Variants in MAST4 observed in about 807,000 individuals in gnomAD.
MAST4 encodes microtubule associated serine/threonine kinase family member 4.
Under a neutral mutation model 162.7 loss-of-function variants are expected in MAST4, and 89 were observed. The observed-to-expected ratio is 0.55, with a 90% confidence interval of 0.46 to 0.65. The LOEUF is 0.65. Among genes scored for constraint, MAST4 ranks in the 30% least tolerant of loss-of-function variants. The pLI, the probability that MAST4 is intolerant of heterozygous loss-of-function variation, is 0.00. For missense variants in MAST4, 3,153 were observed against 3,374.0 expected, an observed-to-expected ratio of 0.93 and a Z score of 1.62; for synonymous variants, 1,479 against 1,361.1, an observed-to-expected ratio of 1.09 and a Z score of -1.91.
intron 10 of MAST4, among the ~76,000 whole-genome samples, chr5:67,106,448 T>C (rs1323812943): frequency 6.6e-6 from 1 of 152,186 alleles, no homozygotes; most frequent in African/African-American, 2.4e-5. Context: ...CTGCTAGAAC[T>C]CTGAGAATAC....
chr5:66,828,443 T>G (rs769327874), intron 3 of MAST4, among the ~76,000 whole-genome samples: 5 of 152,210 alleles, frequency 3.3e-5, no homozygotes, highest in Non-Finnish European at 7.3e-5. Context: ...GCTGATTTAC[T>G]TAGCCACTGT....
At chr5:66,649,180 T>C (rs904445970) in intron 1 of MAST4, among the ~76,000 whole-genome samples, 1 of 152,186 alleles carries the variant, frequency 6.6e-6, no homozygotes, top group Non-Finnish European at 1.5e-5. Context: ...TGTCTTGCCA[T>C]TTGTAGAGAG....
At chr5:66,960,745 T>C (rs1033994146) in intron 4 of MAST4, among the ~76,000 whole-genome samples, 1 of 152,234 alleles carries the variant, frequency 6.6e-6, no homozygotes, top group Admixed American at 6.5e-5. Flanking sequence ...TTACTTTTTT[T>C]CTTTCTTTTC....
chr5:67,111,947 C>T (rs2150909330), intron 11 of MAST4, among the ~76,000 whole-genome samples: 1 of 152,210 alleles, frequency 6.6e-6, no homozygotes, highest in African/African-American at 2.4e-5. Context: ...TCACCTTATC[C>T]TTACAGTACC....
chr5:66,704,776 A>G (rs1750021674), intron 1 of MAST4, among the ~76,000 whole-genome samples: 1 of 152,120 alleles, frequency 6.6e-6, no homozygotes, highest in Non-Finnish European at 1.5e-5. Context: ...CTGGGATTAC[A>G]GGCGTGTCTT....
intron 5 of MAST4, among the ~76,000 whole-genome samples, chr5:67,089,852 C>A (rs535868770): frequency 3.3e-5 from 5 of 152,270 alleles, no homozygotes; most frequent in African/African-American, 1.2e-4. Flanking sequence ...TGTATATATT[C>A]ATTACTCTAT....
chr5:66,806,050 G>A (rs1756169115), intron 3 of MAST4, among the ~76,000 whole-genome samples: 1 of 152,188 alleles, frequency 6.6e-6, no homozygotes. Context: ...GCCAACTAAA[G>A]GAGAAGCGAA....
At chr5:66,612,792 A>T (rs1743379661) in intron 1 of MAST4, among the ~76,000 whole-genome samples, 1 of 152,208 alleles carries the variant, frequency 6.6e-6, no homozygotes, top group Non-Finnish European at 1.5e-5. Context: ...GTCGTATCAG[A>T]TTTAAATTAT....
intron 17 of MAST4, among the ~76,000 whole-genome samples, chr5:67,133,870 G>A (rs1244045896): frequency 3.3e-5 from 5 of 152,122 alleles, no homozygotes; most frequent in Admixed American, 3.3e-4. Flanking sequence ...TGGTCTATTA[G>A]CAAGACGAAT....
In MAST4 at chr5:66,748,765, G is replaced by A. The variant is rs538567148; in HGVS notation, c.364-10944G>A. Reference sequence around the variant, plus strand: ...GGCCTCCCAAAGTGCTGGGATTACAGGTGTAAGCCACCATGCCTGGCTGGG... The same window carrying A: ...GGCCTCCCAAAGTGCTGGGATTACAAGTGTAAGCCACCATGCCTGGCTGGG... On this transcript the variant is annotated intron_variant, in intron 1 of 28. Coordinates refer to ENST00000403625, the MANE Select transcript of MAST4 (RefSeq NM_001164664.2). Among the ~76,000 whole-genome samples, 9 of 152,040 alleles carry A rather than the reference G, an allele frequency of 5.9e-5. No individual in the cohort carries two copies. The South Asian group carries it at 1.9e-3, about 32-fold the overall frequency.
intron 4 of MAST4, among the ~76,000 whole-genome samples, chr5:67,051,315 A>T (rs1431235025): frequency 6.6e-6 from 1 of 152,066 alleles, no homozygotes; most frequent in Admixed American, 6.6e-5. Context: ...GTGGCCATGA[A>T]CACCTGGAGA....
At chr5:66,707,457 G>T (rs534455642) in intron 1 of MAST4, among the ~76,000 whole-genome samples, 1 of 152,240 alleles carries the variant, frequency 6.6e-6, no homozygotes, top group South Asian at 2.1e-4. Context: ...AAACAGAAAT[G>T]AATTTTCTCA....
intron 4 of MAST4, among the ~76,000 whole-genome samples, chr5:66,910,082 A>T (rs1027471782): frequency 6.6e-6 from 1 of 152,164 alleles, no homozygotes; most frequent in Non-Finnish European, 1.5e-5. Context: ...TTTGTTTTAT[A>T]AAAAAATGTG....
chr5:67,002,491 A>G (rs1047378933), intron 4 of MAST4, among the ~76,000 whole-genome samples: 3 of 152,236 alleles, frequency 2.0e-5, no homozygotes, highest in Admixed American at 2.0e-4. Context: ...AGACAGCAGT[A>G]AACAGTCAAT....
At chr5:67,115,437 C>T (rs574011447) in intron 12 of MAST4, among the ~76,000 whole-genome samples, 2 of 152,330 alleles carry the variant, frequency 1.3e-5, no homozygotes, top group South Asian at 4.1e-4. Flanking sequence ...GCTTTGTTTG[C>T]TCCTATGGCC....
At chr5:66,711,878 C>T (rs923956524) in intron 1 of MAST4, among the ~76,000 whole-genome samples, 4 of 152,026 alleles carry the variant, frequency 2.6e-5, no homozygotes, top group African/African-American at 9.7e-5. Context: ...TCAGGGCCTG[C>T]CTGGATGATC....
chr5:67,153,625 C>T, intron 26 of MAST4, 45 bp downstream of exon 26: 3 of 1,523,836 alleles, frequency 2.0e-6, no homozygotes, highest in South Asian at 2.6e-5. Context: ...AGACAGGCAG[C>T]CCAAAGGGGC....
intron 3 of MAST4, chr5:66,828,856 A>G: frequency 6.2e-7 from 1 of 1,607,014 alleles, no homozygotes; most frequent in Non-Finnish European, 8.5e-7. Flanking sequence ...GGATGAGTCC[A>G]GCATTCTAAG....
intron 4 of MAST4, among the ~76,000 whole-genome samples, chr5:67,019,306 T>A (rs965596797): frequency 5.3e-5 from 8 of 152,208 alleles, no homozygotes; most frequent in African/African-American, 1.9e-4. Flanking sequence ...ATGGGCCCAT[T>A]GACACTAGTG....
Sources: gnomAD v4.1 joint callset for allele counts (sites outside exome capture counted in the v4.1 genomes callset) on GRCh38, gnomAD v4.1.1 for gene constraint, MANE v1.5 for transcripts, NCBI Gene and HGNC (gene_info 2026-07-23, HGNC 2026-07-21) for gene names.